Variants in SDK1 observed in about 807,000 individuals in gnomAD.
The protein encoded by SDK1 is sidekick cell adhesion molecule 1.
In SDK1, 157 loss-of-function variants were observed where a neutral mutation model predicts 245.5. The observed-to-expected ratio is 0.64, with a 90% CI of 0.56 to 0.73. SDK1 has a LOEUF of 0.73. SDK1 is among the 30% of genes least tolerant of loss of function. The probability of loss-of-function intolerance (pLI) is 0.00; values close to 1 mark genes in which losing one functional copy is unlikely to be tolerated. For synonymous variants in SDK1, 1,647 were observed against 1,278.5 expected (o/e 1.29, Z -6.15); for missense variants, 3,583 against 3,002.3 (o/e 1.19, Z -4.52).
chr7:4,238,089 C>CT (rs67172945), intron 42 of SDK1, among the ~76,000 whole-genome samples: 4,711 of 146,376 alleles, frequency 0.032, 97 homozygotes, highest in South Asian at 0.13. Flanking sequence ...AATGCAATTG[C>CT]TTTTTTTTTT....
intron 35 of SDK1, among the ~76,000 whole-genome samples, chr7:4,187,191 G>A (rs911948047): frequency 6.6e-6 from 1 of 152,196 alleles, no homozygotes; most frequent in Admixed American, 6.5e-5. Context: ...GGGGGCACCT[G>A]AGGGAGTGGG....
intron 1 of SDK1, among the ~76,000 whole-genome samples, chr7:3,306,921 C>G (rs1246110241): frequency 2.0e-5 from 3 of 152,078 alleles, no homozygotes; most frequent in Non-Finnish European, 4.4e-5. Flanking sequence ...TAGGTCACGG[C>G]TTAAATTTCT....
chr7:3,789,155 CT>C (rs1349485623), intron 4 of SDK1, among the ~76,000 whole-genome samples: 14 of 148,660 alleles, frequency 9.4e-5, no homozygotes, highest in African/African-American at 7.4e-5. Flanking sequence ...CTTGTAGCTG[CT>C]TTTTTTTTTG....
rs1780262376 is a variant in SDK1, at chr7:3,845,746, T to C, written c.847+24163T>C. 2.6e-5 allele frequency among the ~76,000 whole-genome samples: 4 copies of C among 152,014 alleles called. No individual in the cohort carries two copies. In the South Asian group the frequency reaches 8.3e-4, roughly 31 times the overall value. ...TAGTCAATTAAAAAGAAATTCCATT[T>C]GCAGTGTTTATTTAACACTGAACAG... On this transcript the variant is annotated intron_variant, in intron 5 of 44. Coordinates refer to ENST00000404826, the MANE Select transcript of SDK1 (RefSeq NM_152744.4).
At chr7:3,573,989 T>A (rs1445083568) in intron 1 of SDK1, among the ~76,000 whole-genome samples, 1 of 152,166 alleles carries the variant, frequency 6.6e-6, no homozygotes, top group African/African-American at 2.4e-5. Context: ...TTACATATCA[T>A]TCTTTGTGAA....
In SDK1 at chr7:3,881,273, C is replaced by G. The variant is rs1291185907; in HGVS notation, c.847+59690C>G. On this transcript the variant is annotated intron_variant, in intron 5 of 44. Transcript: ENST00000404826. The stretch of plus-strand genomic sequence containing the variant: ...CCCTCCCCTACCCATGCAACAGGCC[C>G]CCCAGTGTGTGTTGTTCCCCCGCCA... Among the ~76,000 whole-genome samples the G allele has an allele frequency of 5.3e-5, 8 of 152,110 alleles. No individual in the cohort carries two copies. In the South Asian group the frequency reaches 6.3e-4, roughly 12 times the overall value.
At chr7:3,910,520 A>G (rs1286177887) in intron 5 of SDK1, among the ~76,000 whole-genome samples, 3 of 152,166 alleles carry the variant, frequency 2.0e-5, no homozygotes, top group Non-Finnish European at 4.4e-5. Context: ...ACCAAAAAGT[A>G]CTGAGTCATC....
intron 4 of SDK1, among the ~76,000 whole-genome samples, chr7:3,682,718 T>TAA (rs1784144364): frequency 1.9e-5 from 1 of 53,012 alleles, no homozygotes; most frequent in Admixed American, 2.6e-4. Context: ...CGTTTGGATT[T>TAA]ACAGTTTTTT....
chr7:4,189,992 A>G (rs1339977110), intron 35 of SDK1, among the ~76,000 whole-genome samples: 1 of 148,802 alleles, frequency 6.7e-6, no homozygotes, highest in Non-Finnish European at 1.5e-5. Context: ...GGAATGAGAG[A>G]AAAAAAAAAG....
chr7:3,958,614 A>G (rs1781443972), intron 7 of SDK1, among the ~76,000 whole-genome samples: 1 of 152,252 alleles, frequency 6.6e-6, no homozygotes, highest in African/African-American at 2.4e-5. Context: ...AGCCCATAAA[A>G]TACGGTGCTG....
intron 1 of SDK1, among the ~76,000 whole-genome samples, chr7:3,614,660 T>C (rs145758036): frequency 3.9e-4 from 59 of 152,346 alleles, no homozygotes; most frequent in Middle Eastern, 6.8e-3. Flanking sequence ...TTTTAACTTG[T>C]TTACCTACTG....
intron 5 of SDK1, among the ~76,000 whole-genome samples, chr7:3,931,264 C>A (rs555157881): frequency 6.6e-6 from 1 of 152,290 alleles, no homozygotes; most frequent in Middle Eastern, 3.4e-3. Context: ...AGTGGTAGTA[C>A]CCAGAATGGA....
intron 19 of SDK1, among the ~76,000 whole-genome samples, chr7:4,059,841 T>C (rs1779420317): frequency 6.6e-6 from 1 of 152,136 alleles, no homozygotes; most frequent in Non-Finnish European, 1.5e-5. Flanking sequence ...TGAATGACCT[T>C]TGGGTCAAGG....
intron 32 of SDK1, among the ~76,000 whole-genome samples, chr7:4,166,637 C>T (rs1465142001): frequency 6.6e-6 from 1 of 152,228 alleles, no homozygotes; most frequent in Non-Finnish European, 1.5e-5. Context: ...TTCTACTCTC[C>T]ACAAAGCAGA....
chr7:3,418,145 G>GAAAAAAAAAAAAAAAAAAAAAAAA (rs200914826), intron 1 of SDK1, among the ~76,000 whole-genome samples: 1 of 119,726 alleles, frequency 8.4e-6, no homozygotes, highest in African/African-American at 3.9e-5. Context: ...TACTAAAAAT[G>GAAAAAAAAAAAAAAAAAAAAAAAA]AAAAAAAAAA....
chr7:3,810,087 T>C (rs1779348255), intron 4 of SDK1, among the ~76,000 whole-genome samples: 1 of 152,250 alleles, frequency 6.6e-6, no homozygotes, highest in African/African-American at 2.4e-5. Context: ...TCTCTTGCTA[T>C]ATAAACTGAG....
intron 1 of SDK1, among the ~76,000 whole-genome samples, chr7:3,452,982 A>G (rs1223766149): frequency 6.6e-6 from 1 of 152,064 alleles, no homozygotes; most frequent in Non-Finnish European, 1.5e-5. Flanking sequence ...AAAACTACTC[A>G]TGGCCATTGT....
chr7:4,012,256 C>A, intron 16 of SDK1, 21 bp downstream of exon 16: 1 of 1,460,646 alleles, frequency 6.8e-7, no homozygotes, highest in Non-Finnish European at 9.0e-7. Context: ...TGTGATTGGC[C>A]ATCTTTAGGC....
chr7:4,252,823 TTC>T (rs796360255), intron 44 of SDK1, among the ~76,000 whole-genome samples: 20 of 113,220 alleles, frequency 1.8e-4, no homozygotes, highest in African/African-American at 8.8e-4. Context: ...TTTATTCCGT[TTC>T]CCCCCCCCTC....
Sources: gnomAD v4.1 joint callset for allele counts (sites outside exome capture counted in the v4.1 genomes callset) on GRCh38, gnomAD v4.1.1 for gene constraint, MANE v1.5 for transcripts, NCBI Gene and HGNC (gene_info 2026-07-23, HGNC 2026-07-21) for gene names.